CACNA1D: variants seen among roughly 807,000 people sequenced by gnomAD.
CACNA1D encodes the protein calcium voltage-gated channel subunit alpha1 D.
A neutral mutation model predicts 257.1 loss-of-function variants in CACNA1D; 55 were observed. That is an observed-to-expected ratio of 0.21 (90% CI 0.17 to 0.27). The LOEUF (loss-of-function observed/expected upper bound fraction) is 0.27. Among genes scored for constraint, CACNA1D ranks in the 10% least tolerant of loss-of-function variants. CACNA1D has a pLI of 1.00. For synonymous variants in CACNA1D, 980 were observed against 1,014.9 expected, an observed-to-expected ratio of 0.97 and a Z score of 0.65; for missense variants, 1,876 against 2,784.0, an observed-to-expected ratio of 0.67 and a Z score of 7.34.
At chr3:53,755,619 A>G (rs2095258983) in intron 29 of CACNA1D, among the ~76,000 whole-genome samples, 2 of 152,176 alleles carry the variant, frequency 1.3e-5, no homozygotes, top group African/African-American at 4.8e-5. Context: ...TCTTCATAGC[A>G]TTAGACAACC....
At chr3:53,571,407 G>A (rs1047414551) in intron 3 of CACNA1D, among the ~76,000 whole-genome samples, 1 of 152,220 alleles carries the variant, frequency 6.6e-6, no homozygotes, top group Non-Finnish European at 1.5e-5. Context: ...CTTGTGGCAG[G>A]GGCAGTAGGG....
chr3:53,543,719 C>A (rs1011077193), intron 3 of CACNA1D, among the ~76,000 whole-genome samples: 5 of 152,178 alleles, frequency 3.3e-5, no homozygotes, highest in African/African-American at 1.2e-4. Flanking sequence ...GAGGCACTCT[C>A]ATTATTTTAC....
At chr3:53,808,823 C>T in intron 46 of CACNA1D, 53 bp downstream of exon 46, 1 of 1,586,266 alleles carries the variant, frequency 6.3e-7, no homozygotes, top group Non-Finnish European at 8.6e-7. Flanking sequence ...CCACATAGGA[C>T]CCCCATCAGG....
chr3:53,810,758 C>CAAAAAAAAAAAAAAAAAAAAAAAAAA (rs71074934), intron 47 of CACNA1D, among the ~76,000 whole-genome samples: 17 of 68,292 alleles, frequency 2.5e-4, no homozygotes, highest in East Asian at 4.2e-4. Flanking sequence ...ACTCTTGTCT[C>CAAAAAAAAAAAAAAAAAAAAAAAAAA]AAAAAAAAAA....
At chr3:53,712,157 CT>C (rs2094764711) in intron 9 of CACNA1D, among the ~76,000 whole-genome samples, 1 of 152,222 alleles carries the variant, frequency 6.6e-6, no homozygotes. Context: ...TGAATGCAGG[CT>C]TGGGCCTTGT....
In CACNA1D at chr3:53,497,170, G is replaced by C; in HGVS notation, c.86G>C (p.Gly29Ala). 2 of 1,613,814 alleles carry C rather than the reference G, an allele frequency of 1.2e-6. No homozygotes were observed. The highest frequency in any genetic ancestry group is 8.5e-7 in the Non-Finnish European group (1 of 1,179,894). Residue 29 changes from glycine (G) to alanine (A), a missense_variant, in exon 2 of 48, where the codon GGC becomes GCC. Gly to Ala is a moderately conservative substitution (Grantham distance 60). Coordinates refer to ENST00000350061, the MANE Select transcript of CACNA1D (RefSeq NM_001128840.3). Reference sequence around the variant, plus strand: ...TCCCCAGAGGCAAACTATGCAAGAGGCACCAGACTTCCTCTTTCTGGTGAA... The same window carrying C: ...TCCCCAGAGGCAAACTATGCAAGAGCCACCAGACTTCCTCTTTCTGGTGAA... ...DHANEANYAR[G>A]TRLPLSGEGP...
At chr3:53,529,083 C>CCTT (rs1245459210) in intron 3 of CACNA1D, among the ~76,000 whole-genome samples, 2 of 152,086 alleles carry the variant, frequency 1.3e-5, no homozygotes, top group African/African-American at 4.8e-5. Context: ...GACATTCTTG[C>CCTT]CTTCTTCTTG....
chr3:53,505,028 C>T (rs1212698521), intron 3 of CACNA1D, among the ~76,000 whole-genome samples: 3 of 151,936 alleles, frequency 2.0e-5, no homozygotes, highest in Admixed American at 6.6e-5. Context: ...ACTAAGCGCC[C>T]GGAGGCAAAG....
rs752046472 is a variant in CACNA1D, at chr3:53,803,280, A to G, written c.5436-143A>G. On this transcript the variant is annotated intron_variant, in intron 43 of 47. Transcript: ENST00000350061. ...CGGTGCTGTTGCCAGAAGCCGGAAC[A>G]GTCCAGTGCTGCCTGAGGCAGGTGC... is the stretch of plus-strand genomic sequence containing the variant. 1.5e-5 allele frequency: 13 copies of G among 841,674 alleles called. No homozygotes were observed. In the East Asian group the frequency reaches 1.7e-4, roughly 11 times the overall value. The allele number at this position is 841,674 out of a possible 1,614,324, so 52.1% of individuals were successfully genotyped here.
intron 3 of CACNA1D, among the ~76,000 whole-genome samples, chr3:53,548,559 G>C (rs929405895): frequency 1.3e-5 from 2 of 152,048 alleles, no homozygotes; most frequent in Non-Finnish European, 2.9e-5. Flanking sequence ...GCTTGCCCCT[G>C]CAGGTGGTGG....
chr3:53,507,086 A>C (rs1041863547), intron 3 of CACNA1D, among the ~76,000 whole-genome samples: 22 of 151,150 alleles, frequency 1.5e-4, no homozygotes, highest in East Asian at 3.9e-4. Flanking sequence ...AAAAAAAAAA[A>C]AAAAAAACAA....
intron 47 of CACNA1D, among the ~76,000 whole-genome samples, chr3:53,810,775 A>AAC (rs2095595330): frequency 6.7e-6 from 1 of 148,520 alleles, no homozygotes; most frequent in Non-Finnish European, 1.5e-5. Context: ...AAAAAAAAAA[A>AAC]AAAAAAAAAA....
intron 2 of CACNA1D, among the ~76,000 whole-genome samples, chr3:53,501,082 A>G (rs529765139): frequency 2.0e-5 from 3 of 152,276 alleles, no homozygotes; most frequent in African/African-American, 7.2e-5. Flanking sequence ...TGAGAAAGTT[A>G]TAGGTAGAAT....
intron 3 of CACNA1D, among the ~76,000 whole-genome samples, chr3:53,569,074 C>G (rs1456369029): frequency 6.6e-6 from 1 of 152,220 alleles, no homozygotes; most frequent in African/African-American, 2.4e-5. Context: ...CCCCACCTCA[C>G]TGTTGCTTCC....
chr3:53,520,871 T>C (rs942013214), intron 3 of CACNA1D, among the ~76,000 whole-genome samples: 7 of 81,650 alleles, frequency 8.6e-5, no homozygotes, highest in Admixed American at 6.1e-4. Flanking sequence ...TCTTTCTTTC[T>C]TTCTTTCTTT....
At chr3:53,568,054 C>A (rs752845929) in intron 3 of CACNA1D, among the ~76,000 whole-genome samples, 2 of 152,070 alleles carry the variant, frequency 1.3e-5, no homozygotes, top group Admixed American at 6.6e-5. Flanking sequence ...CTAATGGAGA[C>A]GGACACATCA....
intron 3 of CACNA1D, among the ~76,000 whole-genome samples, chr3:53,554,038 T>C (rs1382569308): frequency 6.6e-6 from 1 of 151,576 alleles, no homozygotes; most frequent in Admixed American, 6.6e-5. Flanking sequence ...CTACTAAAAA[T>C]ACAAAAAATT....
intron 38 of CACNA1D, among the ~76,000 whole-genome samples, chr3:53,781,000 T>C (rs1004907684): frequency 1.3e-4 from 20 of 152,224 alleles, no homozygotes; most frequent in Admixed American, 1.1e-3. Context: ...TGTAGCATGC[T>C]TGTCTGTACC....
chr3:53,742,406 C>T (rs2095126592), intron 21 of CACNA1D, among the ~76,000 whole-genome samples: 1 of 152,238 alleles, frequency 6.6e-6, no homozygotes, highest in African/African-American at 2.4e-5. Flanking sequence ...GAGCACAGAG[C>T]CGTTGAGACT....
Sources: gnomAD v4.1 joint callset for allele counts (sites outside exome capture counted in the v4.1 genomes callset) on GRCh38, gnomAD v4.1.1 for gene constraint, MANE v1.5 for transcripts, NCBI Gene and HGNC (gene_info 2026-07-23, HGNC 2026-07-21) for gene names.